FAM32A: variants seen among roughly 807,000 people sequenced by gnomAD.
FAM32A encodes protein FAM32A.
A neutral mutation model predicts 15.8 loss-of-function variants in FAM32A; 9 were observed. The ratio of observed to expected loss-of-function variants is 0.57; its 90% CI spans 0.34 to 1.00. FAM32A has a LOEUF of 1.00. Among genes scored for constraint, FAM32A ranks in the 50% least tolerant of loss-of-function variants. The pLI is 0.02. For synonymous variants in FAM32A, 64 were observed against 54.9 expected (o/e 1.16, Z -0.73); for missense variants, 113 against 138.3 (o/e 0.82, Z 0.92).
intron 2 of FAM32A, among the ~76,000 whole-genome samples, chr19:16,189,666 C>CCCT: frequency 1.2e-5 from 1 of 83,684 alleles, no homozygotes; most frequent in Non-Finnish European, 2.4e-5. Context: ...CACACTCCAA[C>CCCT]TCTTTTTTTT....
intron 2 of FAM32A, chr19:16,187,539 C>G (rs2091390545): frequency 6.6e-6 from 1 of 151,556 alleles, no homozygotes; most frequent in East Asian, 2.0e-4. Flanking sequence ...ACCTCCGCCT[C>G]CGGGGTTCAA....
rs772498357 is a variant in FAM32A, at chr19:16,190,580, C to T, written c.270+7C>T. ...CCACAAGCAGAGAGTGGAGGTGAGT[C>T]GCCGTGTCCAGTGGGGGAGACTGAG... On this transcript the variant is annotated splice_region_variant and intron_variant, in intron 3 of 3. Coordinates refer to ENST00000263384, the MANE Select transcript of FAM32A (RefSeq NM_014077.4). The T allele has an allele frequency of 2.5e-6, 4 of 1,610,290 alleles. No homozygotes were observed. Among genetic ancestry groups the T allele is most frequent in the South Asian group, 2.2e-5 (2 of 90,892 alleles).
At chr19:16,190,293 C>T (rs970046793) in intron 2 of FAM32A, among the ~76,000 whole-genome samples, 1 of 152,188 alleles carries the variant, frequency 6.6e-6, no homozygotes, top group Non-Finnish European at 1.5e-5. Flanking sequence ...GGTACGCGCT[C>T]AGGCATTGCT....
chr19:16,190,268 CAG>C (rs1352882917), intron 2 of FAM32A, among the ~76,000 whole-genome samples: 1 of 152,168 alleles, frequency 6.6e-6, no homozygotes, highest in Admixed American at 6.5e-5. Context: ...CAGCTCCCAG[CAG>C]AGTCTGCTCA....
intron 2 of FAM32A, chr19:16,186,809 A>G (rs918770769): frequency 6.6e-6 from 1 of 152,250 alleles, no homozygotes; most frequent in African/African-American, 2.4e-5. Context: ...ACATGTGGCA[A>G]TGTCTGGAAA....
chr19:16,186,333 G>C (rs1414834269), intron 2 of FAM32A: 1 of 152,392 alleles, frequency 6.6e-6, no homozygotes, highest in African/African-American at 2.4e-5. Flanking sequence ...TTTTTGGCGG[G>C]GTCAGAGCAC....
intron 2 of FAM32A, among the ~76,000 whole-genome samples, chr19:16,189,062 G>C (rs4808465): frequency 0.095 from 12,023 of 125,946 alleles, 782 homozygotes; most frequent in East Asian, 0.3. Context: ...TCGTTCTGTT[G>C]CCCAGGCTGG....
At chr19:16,187,890 C>T (rs1014384615) in intron 2 of FAM32A, among the ~76,000 whole-genome samples, 2 of 152,014 alleles carry the variant, frequency 1.3e-5, no homozygotes, top group Non-Finnish European at 2.9e-5. Context: ...GGACTACAGG[C>T]GCCCACCACC....
intron 2 of FAM32A, 44 bp downstream of exon 2, chr19:16,185,809 G>A (rs1008225518): frequency 1.3e-6 from 2 of 1,536,602 alleles, no homozygotes; most frequent in Admixed American, 2.1e-5. Flanking sequence ...AACACCCGGC[G>A]CCGGGAGACT....
chr19:16,185,536 G>T lies in FAM32A; in HGVS notation c.74+20G>T. 1.3e-6 allele frequency: 2 copies of T among 1,568,698 alleles called. No individual in the cohort carries two copies. Among genetic ancestry groups the T allele is most frequent in the East Asian group, 2.3e-5 (1 of 42,668 alleles). ...CAAGCGGTGAGGCCCGAGGGCCCGC[G>T]GGATTCCGTCTTCATCCCCCTTAGA... On this transcript the variant is annotated intron_variant, in intron 1 of 3. Coordinates refer to ENST00000263384, the MANE Select transcript of FAM32A (RefSeq NM_014077.4).
rs968253673 is a variant in FAM32A at position 16,185,489 on chromosome 19, G to T, written c.47G>T (p.Gly16Val). Reference protein sequence around the residue: ...QVQKGPLKLKGVAELGVTKRK... With the variant: ...QVQKGPLKLKVVAELGVTKRK... ...CAAAAGGGACCCCTGAAGCTGAAAGGCGTCGCAGAGCTGGGAGTGACCAAG... is the reference window on the plus strand; with the variant it reads ...CAAAAGGGACCCCTGAAGCTGAAAGTCGTCGCAGAGCTGGGAGTGACCAAG... Residue 16 changes from glycine (G) to valine (V), a missense_variant, in exon 1 of 4, where the codon GGC (glycine) becomes GTC (valine). This residue lies in a region of FAM32A where 112 missense variants were observed against 118.6 expected (regional missense o/e 0.94). Transcript: ENST00000263384. 4 of 1,564,162 alleles carry T rather than the reference G, an allele frequency of 2.6e-6. No homozygotes were observed. The highest frequency in any genetic ancestry group is 2.4e-5 in the East Asian group (1 of 42,170).
chr19:16,187,802 T>C (rs1382767002), intron 2 of FAM32A, among the ~76,000 whole-genome samples: 1 of 135,682 alleles, frequency 7.4e-6, no homozygotes. Context: ...CTGGAGTGCA[T>C]TGGTATGATC....
chr19:16,189,184 G>T (rs2091396702), intron 2 of FAM32A: 1 of 152,028 alleles, frequency 6.6e-6, no homozygotes, highest in Admixed American at 6.6e-5. Context: ...CACCACACCT[G>T]GCTAATTTTT....
At position 16,191,419 on chromosome 19, in the gene FAM32A, A is replaced by G. The variant is rs1599446040; in HGVS notation, c.*464A>G. On this transcript the variant is annotated 3_prime_UTR_variant, in exon 4 of 4. Transcript: ENST00000263384. The stretch of plus-strand genomic sequence containing the variant: ...CCAAGCTTCCTCTAGCTTTGGGCCT[A>G]TGCTGTCCCCTGCAGGCCCTAGGGA... 1 of 174,844 alleles carries G rather than the reference A, an allele frequency of 5.7e-6. No individual in the cohort carries two copies. Among genetic ancestry groups the G allele is most frequent in the Non-Finnish European group, 1.2e-5 (1 of 81,190 alleles). The allele number at this position is 174,844 out of a possible 1,614,324, so 10.8% of individuals were successfully genotyped here.
At chr19:16,188,859 A>G (rs1599444886) in intron 2 of FAM32A, among the ~76,000 whole-genome samples, 1 of 152,168 alleles carries the variant, frequency 6.6e-6, no homozygotes, top group Middle Eastern at 3.4e-3. Flanking sequence ...CCTACCAATA[A>G]TATCTCATGA....
chr19:16,185,888 GA>G (rs2091384071), intron 2 of FAM32A, 123 bp downstream of exon 2: 1 of 1,115,852 alleles, frequency 9.0e-7, no homozygotes, highest in Admixed American at 2.9e-5. Context: ...TAATTACGGG[GA>G]GAGGATGCTG....
At chr19:16,190,862 C>G in intron 3 of FAM32A, 25 bp from the exon 4 acceptor site, 3 of 1,606,958 alleles carry the variant, frequency 1.9e-6, no homozygotes, top group Non-Finnish European at 2.6e-6. Context: ...TGCGCTGACA[C>G]CGGCCTTCTA....
chr19:16,190,473 G>C, intron 2 of FAM32A, 47 bp from the exon 3 acceptor site: 1 of 1,387,422 alleles, frequency 7.2e-7, no homozygotes, highest in Non-Finnish European at 1.0e-6. Context: ...GCCAGCCTGG[G>C]CTGTGTTGAG....
At chr19:16,190,773 G>A in intron 3 of FAM32A, 114 bp from the exon 4 acceptor site, 2 of 977,380 alleles carry the variant, frequency 2.0e-6, no homozygotes, top group Non-Finnish European at 3.3e-6. Flanking sequence ...GAGTTTGAGA[G>A]GAGGGGGCTC....
Sources: gnomAD v4.1 joint callset for allele counts (sites outside exome capture counted in the v4.1 genomes callset) on GRCh38, gnomAD v4.1.1 for gene constraint, gnomAD v4.1.1 regional missense constraint, MANE v1.5 for transcripts, NCBI Gene and HGNC (gene_info 2026-07-23, HGNC 2026-07-21) for gene names.